NPAS3: variants seen among roughly 807,000 people sequenced by gnomAD.
The protein encoded by NPAS3 is neuronal PAS domain protein 3.
A neutral mutation model predicts 73.1 loss-of-function variants in NPAS3; 14 were observed. The ratio of observed to expected loss-of-function variants is 0.19; its 90% CI spans 0.13 to 0.30. The LOEUF is 0.30. Ranked by LOEUF, NPAS3 falls within the 10% of genes least tolerant of loss-of-function variation. NPAS3 has a pLI of 1.00. For missense variants in NPAS3, 1,096 were observed against 1,250.0 expected (o/e 0.88, Z 1.86); for synonymous variants, 620 against 541.5 (o/e 1.14, Z -2.01).
chr14:33,042,086 G>T (rs552808817), intron 1 of NPAS3, among the ~76,000 whole-genome samples: 2 of 152,044 alleles, frequency 1.3e-5, no homozygotes, highest in South Asian at 2.1e-4. Flanking sequence ...CAATTGGGCC[G>T]GTTTCAGTAC....
intron 4 of NPAS3, among the ~76,000 whole-genome samples, chr14:33,543,573 T>C (rs2054617554): frequency 1.3e-5 from 2 of 151,280 alleles, no homozygotes; most frequent in Non-Finnish European, 3.0e-5. Flanking sequence ...TGTAAAACAC[T>C]GCACCCACAG....
intron 3 of NPAS3, among the ~76,000 whole-genome samples, chr14:33,322,440 AT>A (rs962765893): frequency 6.6e-6 from 1 of 150,718 alleles, no homozygotes; most frequent in Non-Finnish European, 1.5e-5. Flanking sequence ...GTTTTTGCTA[AT>A]TTTTTTGTAT....
intron 1 of NPAS3, among the ~76,000 whole-genome samples, chr14:32,939,590 C>A: frequency 6.9e-6 from 1 of 144,026 alleles, no homozygotes; most frequent in Non-Finnish European, 1.5e-5. Context: ...GCAGTCGCAC[C>A]TCCTCGGCTC....
chr14:33,216,021 C>T (rs2047210484), intron 3 of NPAS3, among the ~76,000 whole-genome samples: 1 of 152,152 alleles, frequency 6.6e-6, no homozygotes, highest in African/African-American at 2.4e-5. Context: ...TTAGGTCTTT[C>T]TCACTCTGAT....
At chr14:33,461,560 T>C (rs2050266295) in intron 4 of NPAS3, among the ~76,000 whole-genome samples, 4 of 152,202 alleles carry the variant, frequency 2.6e-5, no homozygotes, top group Admixed American at 2.0e-4. Flanking sequence ...CACACCCTGA[T>C]GGGCATGAGG....
chr14:32,983,487 C>A (rs2037979559), intron 1 of NPAS3, among the ~76,000 whole-genome samples: 1 of 152,078 alleles, frequency 6.6e-6, no homozygotes, highest in South Asian at 2.1e-4. Context: ...GGTTTCCACT[C>A]ATTTTTGTTC....
At chr14:32,943,595 G>C (rs918926682) in intron 1 of NPAS3, among the ~76,000 whole-genome samples, 1 of 152,044 alleles carries the variant, frequency 6.6e-6, no homozygotes, top group African/African-American at 2.4e-5. Context: ...TATGGCTTCT[G>C]TAAAGCAACA....
intron 4 of NPAS3, among the ~76,000 whole-genome samples, chr14:33,445,932 CTTTTTTT>C (rs386381059): frequency 7.4e-6 from 1 of 134,390 alleles, no homozygotes; most frequent in Non-Finnish European, 1.6e-5. Flanking sequence ...GAGTGTTGCA[CTTTTTTT>C]TTTTTTTTTC....
chr14:33,409,892 T>A (rs953218245), intron 4 of NPAS3, among the ~76,000 whole-genome samples: 2 of 152,168 alleles, frequency 1.3e-5, no homozygotes, highest in African/African-American at 4.8e-5. Flanking sequence ...AATAATCTGG[T>A]TGGAGACATT....
At chr14:33,195,934 C>T (rs187132361) in intron 2 of NPAS3, among the ~76,000 whole-genome samples, 19 of 152,258 alleles carry the variant, frequency 1.2e-4, no homozygotes, top group East Asian at 3.9e-4. Flanking sequence ...GCCAGACACA[C>T]GACCAGTAGT....
chr14:33,764,917 AATG>A (rs1293515960), intron 7 of NPAS3, among the ~76,000 whole-genome samples: 1 of 152,220 alleles, frequency 6.6e-6, no homozygotes, highest in African/African-American at 2.4e-5. Flanking sequence ...TGTTTTATTA[AATG>A]ATATTTGAAG....
At chr14:33,068,857 C>T (rs1259904716) in intron 2 of NPAS3, among the ~76,000 whole-genome samples, 1 of 152,142 alleles carries the variant, frequency 6.6e-6, no homozygotes, top group Non-Finnish European at 1.5e-5. Context: ...GTTCAAAGCA[C>T]ACCAGGGAGG....
chr14:33,228,347 C>T lies in NPAS3; in HGVS notation c.385+12921C>T, dbSNP rs73254922. ...TGGCAGCTTGATGTTTAATACTTAACGAGACATGTAGAAGTTGATTTTATA... is the reference window on the plus strand; with the variant it reads ...TGGCAGCTTGATGTTTAATACTTAATGAGACATGTAGAAGTTGATTTTATA... On this transcript the variant is annotated intron_variant, in intron 3 of 11. Transcript: ENST00000356141. Among the ~76,000 whole-genome samples the T allele has an allele frequency of 1.1e-3, 167 of 152,006 alleles. 1 individual carries two copies. The highest frequency in any genetic ancestry group is 3.9e-3 in the African/African-American group (162 of 41,432).
chr14:33,743,334 G>A (rs1225945744), intron 7 of NPAS3, among the ~76,000 whole-genome samples: 2 of 152,162 alleles, frequency 1.3e-5, no homozygotes, highest in Non-Finnish European at 2.9e-5. Context: ...CCCCCTGTAT[G>A]TTGCCATTAG....
intron 5 of NPAS3, among the ~76,000 whole-genome samples, chr14:33,634,244 C>T (rs2058454964): frequency 6.6e-6 from 1 of 152,206 alleles, no homozygotes; most frequent in Non-Finnish European, 1.5e-5. Context: ...GTCAGCATTA[C>T]CCCTAATACG....
At chr14:32,949,306 T>A (rs1057314234) in intron 1 of NPAS3, among the ~76,000 whole-genome samples, 2 of 152,092 alleles carry the variant, frequency 1.3e-5, no homozygotes, top group Non-Finnish European at 2.9e-5. Flanking sequence ...TAATAATTAC[T>A]TTAGTCTCAT....
At chr14:32,970,139 G>T (rs979384427) in intron 1 of NPAS3, among the ~76,000 whole-genome samples, 1 of 152,106 alleles carries the variant, frequency 6.6e-6, no homozygotes, top group African/African-American at 2.4e-5. Flanking sequence ...TAGGATAAAA[G>T]GAATCAAATG....
At chr14:33,766,768 A>G (rs902385630) in intron 7 of NPAS3, among the ~76,000 whole-genome samples, 1 of 152,180 alleles carries the variant, frequency 6.6e-6, no homozygotes, top group Non-Finnish European at 1.5e-5. Flanking sequence ...AGCTGATGAC[A>G]GCATTCCAGG....
chr14:33,479,293 A>G (rs2051196375), intron 4 of NPAS3, among the ~76,000 whole-genome samples: 1 of 152,070 alleles, frequency 6.6e-6, no homozygotes, highest in Non-Finnish European at 1.5e-5. Context: ...AGGGTAATAA[A>G]TATATATGCT....
Sources: gnomAD v4.1 joint callset for allele counts (sites outside exome capture counted in the v4.1 genomes callset) on GRCh38, gnomAD v4.1.1 for gene constraint, MANE v1.5 for transcripts, NCBI Gene and HGNC (gene_info 2026-07-23, HGNC 2026-07-21) for gene names.